The following GNPDA2 variants were observed in gnomAD, a reference collection of about 807,000 sequenced individuals.
The protein encoded by GNPDA2 is glcN6P deaminase 2.
In GNPDA2, 24 loss-of-function variants were observed where a neutral mutation model predicts 27.0. The observed-to-expected ratio is 0.89, with a 90% CI of 0.64 to 1.25. The LOEUF (loss-of-function observed/expected upper bound fraction) is 1.25. Among genes scored for constraint, GNPDA2 ranks in the 50% most tolerant of loss-of-function variants. GNPDA2 has a pLI of 0.00. For synonymous variants in GNPDA2, 94 were observed against 108.4 expected (o/e 0.87, Z 0.83); for missense variants, 286 against 335.1 (o/e 0.85, Z 1.14).
chr4:44,721,956 A>G, intron 2 of GNPDA2, 128 bp downstream of exon 2: 1 of 696,836 alleles, frequency 1.4e-6, no homozygotes, highest in South Asian at 2.1e-5. Context: ...GGCCTTTTAT[A>G]CTATGATGTT....
At chr4:44,713,229 G>T (rs1451787792) in intron 4 of GNPDA2, among the ~76,000 whole-genome samples, 2 of 152,100 alleles carry the variant, frequency 1.3e-5, no homozygotes, top group Admixed American at 1.3e-4. Context: ...AGTGACTGTG[G>T]TCTAGAGATA....
At chr4:44,712,060 T>C (rs901443885) in intron 4 of GNPDA2, among the ~76,000 whole-genome samples, 65 of 152,024 alleles carry the variant, frequency 4.3e-4, no homozygotes, top group African/African-American at 1.5e-3. Context: ...TATTCTAGGA[T>C]TACCTCTAAA....
chr4:44,703,377 G>GGT, intron 6 of GNPDA2: 1 of 1,252,630 alleles, frequency 8.0e-7, no homozygotes, highest in Admixed American at 4.3e-5. Flanking sequence ...AATGTGTACA[G>GGT]GTACTTTGGG....
intron 4 of GNPDA2, among the ~76,000 whole-genome samples, chr4:44,711,723 T>C (rs748053191): frequency 6.6e-6 from 1 of 151,624 alleles, no homozygotes; most frequent in Non-Finnish European, 1.5e-5. Context: ...GTGGATTGGA[T>C]AAGATAATGT....
At chr4:44,708,692 C>A (rs1716769940) in intron 5 of GNPDA2, among the ~76,000 whole-genome samples, 1 of 151,908 alleles carries the variant, frequency 6.6e-6, no homozygotes, top group African/African-American at 2.4e-5. Flanking sequence ...CCATTTAACA[C>A]CTCATCTACA....
Position 44,702,602 on chromosome 4 carries a change from A to ACT in GNPDA2, c.*477_*478dup. ...GTCTAGATGGTGCTGTAGGAAGATG[A>ACT]CTAAGGCAACCACGTGCAGAAAAGC... is the stretch of plus-strand genomic sequence containing the variant. On this transcript the variant is annotated 3_prime_UTR_variant, in exon 7 of 7. Transcript: ENST00000295448. 1 of 1,001,204 alleles carries ACT rather than the reference A, an allele frequency of 1.0e-6. No individual in the cohort carries two copies. The highest frequency in any genetic ancestry group is 1.2e-6 in the Non-Finnish European group (1 of 841,046). The allele number at this position is 1,001,204 out of a possible 1,614,324, so 62.0% of individuals were successfully genotyped here.
rs868779831 is a variant in GNPDA2, at chr4:44,718,540, C to T, written c.125-130G>A. 14 of 370,418 alleles carry T rather than the reference C, an allele frequency of 3.8e-5. No individual in the cohort carries two copies. The South Asian group carries it at 1.3e-3, about 33-fold the overall frequency. 22.9% of individuals were successfully genotyped at this position (370,418 alleles called of 1,614,324 possible). On this transcript the variant is annotated intron_variant, in intron 2 of 6. Transcript: ENST00000295448. ...TTCTGATTTATTAGGCAATTATTAA[C>T]TTAAATACATAATCAACTAACAAGT...
At chr4:44,706,675 G>A (rs1013589889) in intron 6 of GNPDA2, 1 of 151,736 alleles carries the variant, frequency 6.6e-6, no homozygotes, top group Admixed American at 6.6e-5. Flanking sequence ...ATGCTACCCA[G>A]TAAGCTATGA....
intron 5 of GNPDA2, 88 bp from the exon 6 acceptor site, chr4:44,708,014 A>G (rs1254024422): frequency 8.6e-5 from 74 of 859,512 alleles, no homozygotes. Flanking sequence ...AAGCACCAAT[A>G]TTTTTTTCTG....
Position 44,711,826 on chromosome 4 carries a change from T to TACAC in GNPDA2, c.410-690_410-689insGTGT, listed in dbSNP as rs142382648. On this transcript the variant is annotated intron_variant, in intron 4 of 6. Transcript: ENST00000295448. ...GCAATCTAGTATATATATATATATA[T>TACAC]ATACACATATACAACACAAACATAT... is the stretch of plus-strand genomic sequence containing the variant. Among the ~76,000 whole-genome samples, 113 of 118,306 alleles carry TACAC rather than the reference T, an allele frequency of 9.6e-4. 1 individual carries two copies. Among genetic ancestry groups the TACAC allele is most frequent in the South Asian group, 5.9e-3 (23 of 3,922 alleles). The allele number at this position is 118,306 out of a possible 152,430, so 77.6% of individuals were successfully genotyped here.
At chr4:44,709,478 G>GAAGCAAGCT (rs1478697197) in intron 5 of GNPDA2, among the ~76,000 whole-genome samples, 4 of 152,112 alleles carry the variant, frequency 2.6e-5, no homozygotes, top group African/African-American at 9.7e-5. Flanking sequence ...TAAATTTAAA[G>GAAGCAAGCT]AAGCAAGCTA....
In GNPDA2 at chr4:44,726,306, A is replaced by C. The variant is rs540511622; in HGVS notation, c.-36+168T>G. ...AGGACAACCAGGTCCGCGAGTGGCAATACGGGAGACCCCACGCGCCCCCAG... is the reference window on the plus strand; with the variant it reads ...AGGACAACCAGGTCCGCGAGTGGCACTACGGGAGACCCCACGCGCCCCCAG... On this transcript the variant is annotated intron_variant, in intron 1 of 6. Coordinates refer to ENST00000295448, the MANE Select transcript of GNPDA2 (RefSeq NM_138335.3). Among the ~76,000 whole-genome samples, 7 of 152,232 alleles carry C rather than the reference A, an allele frequency of 4.6e-5. No homozygotes were observed. In the South Asian group the frequency reaches 8.3e-4, roughly 18 times the overall value.
intron 4 of GNPDA2, chr4:44,714,267 A>C: frequency 4.1e-6 from 4 of 983,686 alleles, no homozygotes; most frequent in South Asian, 9.4e-5. Context: ...GAGCCACCGG[A>C]TCCCAGCCCT....
Position 44,705,524 on chromosome 4 carries a change from T to C in GNPDA2, c.769+2228A>G, listed in dbSNP as rs1043928286. ...AAAATTTTTCAGAAGAGCTTACAAT[T>C]AGATGAACTAAAAGAACTAAATACA... is the stretch of plus-strand genomic sequence containing the variant. On this transcript the variant is annotated intron_variant, in intron 6 of 6. Coordinates refer to ENST00000295448, the MANE Select transcript of GNPDA2 (RefSeq NM_138335.3). 6.3e-6 allele frequency: 6 copies of C among 946,786 alleles called. No homozygotes were observed. The African/African-American group carries it at 7.1e-5, about 11-fold the overall frequency. 58.6% of individuals were successfully genotyped at this position (946,786 alleles called of 1,614,324 possible). A position where few individuals can be genotyped will look rare whatever the true frequency, so the allele number is the denominator to read the frequency against.
rs1716337158 is a variant in GNPDA2 at position 44,702,476 on chromosome 4, A to G, written c.*605T>C. 5 of 982,120 alleles carry G rather than the reference A, an allele frequency of 5.1e-6. No individual in the cohort carries two copies. The South Asian group carries it at 2.4e-4, about 46-fold the overall frequency. The allele number at this position is 982,120 out of a possible 1,614,324, so 60.8% of individuals were successfully genotyped here. Reference sequence around the variant, plus strand: ...CTATAGAAGAAGGTGCACAAAAAACATGCACTTACACATACTTTCCAAAAG... The same window carrying G: ...CTATAGAAGAAGGTGCACAAAAAACGTGCACTTACACATACTTTCCAAAAG... On this transcript the variant is annotated 3_prime_UTR_variant, in exon 7 of 7. Coordinates refer to ENST00000295448, the MANE Select transcript of GNPDA2 (RefSeq NM_138335.3).
At chr4:44,724,440 T>C (rs983996427) in intron 1 of GNPDA2, among the ~76,000 whole-genome samples, 2 of 152,248 alleles carry the variant, frequency 1.3e-5, no homozygotes, top group Non-Finnish European at 2.9e-5. Context: ...TTTTCAGTTC[T>C]TTGAGAAATC....
chr4:44,719,001 T>C (rs1717501680), intron 2 of GNPDA2, among the ~76,000 whole-genome samples: 2 of 152,124 alleles, frequency 1.3e-5, no homozygotes, highest in South Asian at 2.1e-4. Context: ...TTGCTTAAGA[T>C]AGAACTTATA....
intron 4 of GNPDA2, among the ~76,000 whole-genome samples, chr4:44,714,956 A>G (rs1391050007): frequency 6.6e-6 from 1 of 152,150 alleles, no homozygotes; most frequent in Non-Finnish European, 1.5e-5. Context: ...AGCGGGGAGG[A>G]GCGGGGAAAC....
In GNPDA2 at chr4:44,701,962, G is replaced by T; in HGVS notation, c.*1119C>A. 1.0e-6 allele frequency: 1 copy of T among 984,632 alleles called. No individual in the cohort carries two copies. The highest frequency in any genetic ancestry group is 1.2e-6 in the Non-Finnish European group (1 of 829,410). The allele number at this position is 984,632 out of a possible 1,614,324, so 61.0% of individuals were successfully genotyped here. A position where few individuals can be genotyped will look rare whatever the true frequency, so the allele number is the denominator to read the frequency against. On this transcript the variant is annotated 3_prime_UTR_variant, in exon 7 of 7. Coordinates refer to ENST00000295448, the MANE Select transcript of GNPDA2 (RefSeq NM_138335.3). ...AGATAAGTAAGGCTTCTTCTACCAG[G>T]TGGGCTTATGAAATGCAAAATAAGC...
Sources: gnomAD v4.1 joint callset for allele counts (sites outside exome capture counted in the v4.1 genomes callset) on GRCh38, gnomAD v4.1.1 for gene constraint, MANE v1.5 for transcripts, NCBI Gene and HGNC (gene_info 2026-07-23, HGNC 2026-07-21) for gene names.